MAP3K3: variants seen among roughly 807,000 people sequenced by gnomAD.
The protein encoded by MAP3K3 is mitogen-activated protein kinase kinase kinase 3.
In MAP3K3, 12 loss-of-function variants were observed where a neutral mutation model predicts 80.9. The observed-to-expected ratio is 0.15, with a 90% CI of 0.10 to 0.24. MAP3K3 has a LOEUF of 0.24. Among genes scored for constraint, MAP3K3 ranks in the 10% least tolerant of loss-of-function variants. The probability of loss-of-function intolerance (pLI) is 1.00; values close to 1 mark genes in which losing one functional copy is unlikely to be tolerated. For missense variants in MAP3K3, 596 were observed against 834.7 expected (o/e 0.71, Z 3.52); for synonymous variants, 272 against 307.1 (o/e 0.89, Z 1.19).
chr17:63,650,213 A>G (rs1163992777), intron 3 of MAP3K3, among the ~76,000 whole-genome samples: 1 of 152,128 alleles, frequency 6.6e-6, no homozygotes, highest in Non-Finnish European at 1.5e-5. Flanking sequence ...TTTCTATTAG[A>G]TTGTCTTTTA....
chr17:63,676,373 T>C (rs2035219653), intron 6 of MAP3K3, among the ~76,000 whole-genome samples: 1 of 152,182 alleles, frequency 6.6e-6, no homozygotes, highest in Non-Finnish European at 1.5e-5. Flanking sequence ...AGGGGGACCA[T>C]GGATATTTTA....
chr17:63,675,506 G>A (rs1469612702), intron 6 of MAP3K3, among the ~76,000 whole-genome samples: 1 of 152,218 alleles, frequency 6.6e-6, no homozygotes, highest in Admixed American at 6.5e-5. Flanking sequence ...TTAAGTCAGA[G>A]TACAAAGCAA....
chr17:63,670,313 T>A (rs929304139), intron 6 of MAP3K3, among the ~76,000 whole-genome samples: 5 of 152,040 alleles, frequency 3.3e-5, no homozygotes, highest in African/African-American at 9.7e-5. Context: ...CTGGGCATGG[T>A]GGCTCACGCC....
chr17:63,663,886 CAAAA>C (rs2034945705), intron 5 of MAP3K3, among the ~76,000 whole-genome samples: 1 of 151,730 alleles, frequency 6.6e-6, no homozygotes, highest in Admixed American at 6.6e-5. Context: ...GTCTCAAAAA[CAAAA>C]AAGATGATAT....
Position 63,691,306 on chromosome 17 carries a change from G to C in MAP3K3, c.1344+73G>C, listed in dbSNP as rs1448947597. On this transcript the variant is annotated intron_variant, in intron 13 of 15. Coordinates refer to ENST00000361733, the MANE Select transcript of MAP3K3 (RefSeq NM_002401.5). The surrounding 1 kb of genome is among the most constrained non-coding windows in gnomAD (Gnocchi z 4.8). ...ACCTGGGGGCTGGGGCCTGCAGGAGGGGGGTCACCTTGGATAGGAGTTTGA... is the reference window on the plus strand; with the variant it reads ...ACCTGGGGGCTGGGGCCTGCAGGAGCGGGGTCACCTTGGATAGGAGTTTGA... 1.3e-6 allele frequency: 2 copies of C among 1,599,578 alleles called. No individual in the cohort carries two copies. The highest frequency in any genetic ancestry group is 1.3e-5 in the African/African-American group (1 of 74,680).
rs1193751044 is a variant in MAP3K3, at chr17:63,693,061, A to G, written c.1653-488A>G. On this transcript the variant is annotated intron_variant, in intron 15 of 15. Coordinates refer to ENST00000361733, the MANE Select transcript of MAP3K3 (RefSeq NM_002401.5). The surrounding 1 kb of genome is among the most constrained non-coding windows in gnomAD (Gnocchi z 4.2). ...GAAAGCAAGAGGTTGGAGTAATACA[A>G]GGAGGGGACCATGAGCCACGAAATG... Among the ~76,000 whole-genome samples, 1 of 152,152 alleles carries G rather than the reference A, an allele frequency of 6.6e-6. No homozygotes were observed. Among genetic ancestry groups the G allele is most frequent in the Non-Finnish European group, 1.5e-5 (1 of 68,016 alleles).
intron 5 of MAP3K3, among the ~76,000 whole-genome samples, chr17:63,660,563 G>A (rs1296910758): frequency 1.5e-5 from 2 of 137,582 alleles, no homozygotes; most frequent in African/African-American, 5.6e-5. Flanking sequence ...TCTTCTCTTT[G>A]GATTCTTCTT....
chr17:63,638,591 T>C (rs1313266462), intron 2 of MAP3K3, among the ~76,000 whole-genome samples: 2 of 152,228 alleles, frequency 1.3e-5, no homozygotes, highest in Admixed American at 1.3e-4. Flanking sequence ...GTCTCTCTCC[T>C]GAGCGTGGCT....
intron 8 of MAP3K3, 35 bp downstream of exon 8, chr17:63,685,625 T>G: frequency 6.3e-7 from 1 of 1,581,500 alleles, no homozygotes; most frequent in Non-Finnish European, 8.7e-7. Flanking sequence ...GGGTAATGCA[T>G]AGGCATTTTT....
intron 5 of MAP3K3, among the ~76,000 whole-genome samples, chr17:63,659,416 G>C (rs1367476732): frequency 2.6e-5 from 4 of 151,476 alleles, no homozygotes; most frequent in Non-Finnish European, 5.9e-5. Flanking sequence ...GAAGAATTAT[G>C]ATCCAAAATT....
In MAP3K3 at chr17:63,691,773, C is replaced by G. The variant is rs2035597051; in HGVS notation, c.1385C>G (p.Thr462Arg). The change falls in exon 14 of 16, where the codon ACA (threonine) becomes AGA (arginine). Residue 462 changes from threonine to arginine, a missense_variant. Around this residue, in one of 2 missense-constraint regions of MAP3K3, gnomAD observed 364 missense variants for 588.9 expected, o/e 0.62. Coordinates refer to ENST00000361733, the MANE Select transcript of MAP3K3 (RefSeq NM_002401.5). The surrounding 1 kb of genome is among the most constrained non-coding windows in gnomAD (Gnocchi z 4.8). ...CAGTTGAAGGCTTACGGTGCTCTGA[C>G]AGAGAGCGTGACCCGAAAGTACACG... is the stretch of plus-strand genomic sequence containing the variant. ...KDQLKAYGAL[T>R]ESVTRKYTRQ... The G allele has an allele frequency of 6.2e-7, 1 of 1,614,002 alleles. No homozygotes were observed. Among genetic ancestry groups the G allele is most frequent in the African/African-American group, 1.3e-5 (1 of 74,924 alleles).
intron 4 of MAP3K3, among the ~76,000 whole-genome samples, chr17:63,653,311 T>C (rs1447981563): frequency 1.5e-4 from 23 of 152,222 alleles, no homozygotes; most frequent in Admixed American, 1.5e-3. Flanking sequence ...TGCTTTGCAG[T>C]GTATTTATGC....
intron 4 of MAP3K3, 139 bp downstream of exon 4, chr17:63,652,795 C>T (rs116883477): frequency 1.1e-3 from 650 of 617,698 alleles, no homozygotes; most frequent in Non-Finnish European, 1.6e-3. Flanking sequence ...TTTCTTAATT[C>T]CAACAACTGT....
intron 5 of MAP3K3, among the ~76,000 whole-genome samples, chr17:63,662,124 G>A (rs570927256): frequency 2.7e-5 from 4 of 150,300 alleles, no homozygotes; most frequent in Non-Finnish European, 4.5e-5. Context: ...AATAACATTG[G>A]GCTGGGCATG....
At chr17:63,667,953 A>T (rs569649241) in intron 6 of MAP3K3, among the ~76,000 whole-genome samples, 2 of 151,524 alleles carry the variant, frequency 1.3e-5, no homozygotes, top group South Asian at 4.1e-4. Flanking sequence ...CCTGTGCATT[A>T]TTACTTGTTA....
At chr17:63,623,421 C>T (rs913328309) in intron 1 of MAP3K3, among the ~76,000 whole-genome samples, 11 of 152,224 alleles carry the variant, frequency 7.2e-5, no homozygotes, top group African/African-American at 2.7e-4. Flanking sequence ...GAATTCACAT[C>T]CTACTTTTTG....
intron 3 of MAP3K3, among the ~76,000 whole-genome samples, chr17:63,652,275 C>T (rs117232231): frequency 0.013 from 1,937 of 152,146 alleles, 22 homozygotes; most frequent in Non-Finnish European, 0.018. Context: ...AATCTAGTGG[C>T]CTCTTCTGTC....
chr17:63,655,136 C>T (rs1012313844), intron 4 of MAP3K3, among the ~76,000 whole-genome samples: 7 of 152,118 alleles, frequency 4.6e-5, no homozygotes, highest in African/African-American at 1.7e-4. Context: ...GCAAACTTAA[C>T]AATCATGATG....
chr17:63,682,172 T>C (rs2035352030), intron 7 of MAP3K3, among the ~76,000 whole-genome samples: 1 of 152,216 alleles, frequency 6.6e-6, no homozygotes. Context: ...GGTCCTCTCA[T>C]TGTTCCTACA....
Sources: allele counts gnomAD v4.1 joint callset (sites outside exome capture counted in the v4.1 genomes callset), GRCh38; gene constraint gnomAD v4.1.1; regional missense constraint gnomAD v4.1.1; non-coding constraint Gnocchi (gnomAD v3.1); transcripts MANE v1.5; gene names NCBI Gene and HGNC (gene_info 2026-07-23, HGNC 2026-07-21).